The following RAB20 variants were observed in gnomAD, a reference collection of about 807,000 sequenced individuals.
RAB20 encodes the protein ras-related protein Rab-20.
RAB20 carries 2 observed loss-of-function variants against 3.7 expected under a neutral mutation model. The observed-to-expected ratio is 0.54, with a 90% CI of 0.22 to 1.69. The LOEUF (loss-of-function observed/expected upper bound fraction) is 1.69. Ranked by LOEUF, RAB20 falls within the 40% of genes most tolerant of loss-of-function variation. The pLI, the probability that RAB20 is intolerant of heterozygous loss-of-function variation, is 0.19. For missense variants in RAB20, 276 were observed against 311.9 expected (o/e 0.88, Z 0.87); for synonymous variants, 126 against 130.8 (o/e 0.96, Z 0.25).
intron 1 of RAB20, among the ~76,000 whole-genome samples, chr13:110,559,062 T>G (rs961432683): frequency 2.6e-5 from 4 of 152,152 alleles, no homozygotes; most frequent in African/African-American, 9.7e-5. Context: ...AATAGGGTAA[T>G]GTACTTCTGC....
intron 1 of RAB20, among the ~76,000 whole-genome samples, chr13:110,525,312 T>C (rs1260320813): frequency 1.3e-5 from 2 of 152,196 alleles, no homozygotes; most frequent in Admixed American, 6.5e-5. Context: ...AAAAGGAAGA[T>C]TAAAAGGTCC....
At chr13:110,557,033 G>A (rs1465697729) in intron 1 of RAB20, among the ~76,000 whole-genome samples, 2 of 152,172 alleles carry the variant, frequency 1.3e-5, no homozygotes, top group Non-Finnish European at 2.9e-5. Flanking sequence ...AGGTGCACAT[G>A]AACAGCCCTG....
At chr13:110,525,554 C>A in intron 1 of RAB20, among the ~76,000 whole-genome samples, 1 of 152,214 alleles carries the variant, frequency 6.6e-6, no homozygotes, top group Non-Finnish European at 1.5e-5. Context: ...AACTTTCTGG[C>A]AGAATTCTGA....
chr13:110,554,592 T>G (rs572087670), intron 1 of RAB20, among the ~76,000 whole-genome samples: 8 of 152,290 alleles, frequency 5.3e-5, no homozygotes, highest in Non-Finnish European at 1.2e-4. Context: ...GAACGAGCAC[T>G]TACATTCTCC....
intron 1 of RAB20, among the ~76,000 whole-genome samples, chr13:110,553,303 A>AGT (rs1566591593): frequency 6.6e-6 from 1 of 152,246 alleles, no homozygotes; most frequent in African/African-American, 2.4e-5. Flanking sequence ...ACTCTAGCTC[A>AGT]GTACACACAC....
At chr13:110,524,276 T>C in intron 1 of RAB20, 79 bp from the exon 2 acceptor site, 2 of 1,489,512 alleles carry the variant, frequency 1.3e-6, no homozygotes, top group African/African-American at 1.4e-5. Flanking sequence ...CAAGGGAACG[T>C]CCCACAGGGA....
chr13:110,538,612 AAAAAAAG>A (rs1884694835), intron 1 of RAB20, among the ~76,000 whole-genome samples: 2 of 134,276 alleles, frequency 1.5e-5, no homozygotes, highest in Admixed American at 7.3e-5. Context: ...AAAAAAAAAA[AAAAAAAG>A]AAAGAAAAGA....
chr13:110,554,667 T>C (rs1885009691), intron 1 of RAB20, among the ~76,000 whole-genome samples: 2 of 152,214 alleles, frequency 1.3e-5, no homozygotes, highest in Non-Finnish European at 1.5e-5. Flanking sequence ...GCACTGCAGT[T>C]GTTCAGGTAA....
intron 1 of RAB20, among the ~76,000 whole-genome samples, chr13:110,530,947 A>G (rs1884528154): frequency 6.6e-6 from 1 of 152,258 alleles, no homozygotes. Context: ...AACAAGAGAA[A>G]TGGAAGCCAG....
At chr13:110,537,795 A>C (rs764754803) in intron 1 of RAB20, among the ~76,000 whole-genome samples, 1 of 152,116 alleles carries the variant, frequency 6.6e-6, no homozygotes, top group Admixed American at 6.6e-5. Context: ...TGCGGGGCTC[A>C]GTGCATCACC....
intron 1 of RAB20, among the ~76,000 whole-genome samples, chr13:110,541,529 T>C (rs562214311): frequency 1.3e-5 from 2 of 152,306 alleles, no homozygotes; most frequent in Non-Finnish European, 2.9e-5. Context: ...CGCTAGAAGA[T>C]TTCCAGTGAC....
intron 1 of RAB20, among the ~76,000 whole-genome samples, chr13:110,533,829 G>A (rs1021987904): frequency 6.6e-6 from 1 of 152,244 alleles, no homozygotes; most frequent in Admixed American, 6.5e-5. Context: ...GTCCCTGGGT[G>A]CATGAATGGA....
intron 1 of RAB20, among the ~76,000 whole-genome samples, chr13:110,548,682 G>A (rs185471683): frequency 1.3e-5 from 2 of 152,028 alleles, no homozygotes; most frequent in East Asian, 1.9e-4. Flanking sequence ...AGGCTCCATC[G>A]TAGCCTCTTA....
chr13:110,545,236 T>C (rs1032990623), intron 1 of RAB20, among the ~76,000 whole-genome samples: 1 of 152,248 alleles, frequency 6.6e-6, no homozygotes, highest in Non-Finnish European at 1.5e-5. Flanking sequence ...GTTTGAGGGA[T>C]GGATACCCCA....
intron 1 of RAB20, among the ~76,000 whole-genome samples, chr13:110,536,511 G>A (rs1250077538): frequency 2.0e-5 from 3 of 152,184 alleles, no homozygotes; most frequent in Non-Finnish European, 4.4e-5. Context: ...GAAAGCCGGG[G>A]AAGAATCAAG....
intron 1 of RAB20, among the ~76,000 whole-genome samples, chr13:110,540,394 C>A (rs1237474575): frequency 6.6e-6 from 1 of 152,216 alleles, no homozygotes; most frequent in South Asian, 2.1e-4. Context: ...CACATTTTAA[C>A]CTGTTTCAAA....
Position 110,544,538 on chromosome 13 carries a change from C to A in RAB20, c.172+16810G>T, listed in dbSNP as rs79493923. 2.1e-3 allele frequency among the ~76,000 whole-genome samples: 326 copies of A among 152,264 alleles called. 6 individuals are homozygous for A. The East Asian group carries it at 0.054, about 25-fold the overall frequency. ...TTAAAAAATAATTTTCCAAAAAGGG[C>A]AAAATCATGACTCTAATACAGATGT... On this transcript the variant is annotated intron_variant, in intron 1 of 1. Transcript: ENST00000267328.
Position 110,551,292 on chromosome 13 carries a change from C to T in RAB20, c.172+10056G>A, listed in dbSNP as rs76384646. On this transcript the variant is annotated intron_variant, in intron 1 of 1. Transcript: ENST00000267328. ...GTGGAAGGAGGAATTCTTCCCTCTG[C>T]TACAAAGACCAAGAAATGCTTCACT... is the stretch of plus-strand genomic sequence containing the variant. 4.5e-3 allele frequency among the ~76,000 whole-genome samples: 691 copies of T among 152,258 alleles called. 11 individuals carry two copies. Among genetic ancestry groups the T allele is most frequent in the African/African-American group, 0.016 (667 of 41,548 alleles).
intron 1 of RAB20, among the ~76,000 whole-genome samples, chr13:110,534,864 C>T (rs1489349982): frequency 2.0e-5 from 3 of 152,200 alleles, no homozygotes; most frequent in East Asian, 3.8e-4. Flanking sequence ...GACAGGGTCT[C>T]GCTCTGTCAC....
Sources: gnomAD v4.1 joint callset for allele counts (sites outside exome capture counted in the v4.1 genomes callset) on GRCh38, gnomAD v4.1.1 for gene constraint, MANE v1.5 for transcripts, NCBI Gene and HGNC (gene_info 2026-07-23, HGNC 2026-07-21) for gene names.